The following SLC24A2 variants were observed in gnomAD, a reference collection of about 807,000 sequenced individuals.
SLC24A2 encodes the protein sodium/potassium/calcium exchanger 2.
SLC24A2 carries 36 observed loss-of-function variants against 62.0 expected under a neutral mutation model. That is an observed-to-expected ratio of 0.58 (90% CI 0.44 to 0.77). The LOEUF is 0.77. SLC24A2 is among the 30% of genes least tolerant of loss of function. SLC24A2 has a pLI of 0.00. For synonymous variants in SLC24A2, 358 were observed against 294.0 expected, an observed-to-expected ratio of 1.22 and a Z score of -2.23; for missense variants, 846 against 817.9, an observed-to-expected ratio of 1.03 and a Z score of -0.42.
At chr9:19,567,163 A>AAAAG (rs1166466690) in intron 7 of SLC24A2, among the ~76,000 whole-genome samples, 2 of 146,168 alleles carry the variant, frequency 1.4e-5, no homozygotes, top group African/African-American at 5.3e-5. Context: ...ATAAACCTAG[A>AAAAG]AAAGAATCTG....
chr9:19,953,866 G>A, the SLC24A2 span, among the ~76,000 whole-genome samples: 12 of 151,698 alleles, frequency 7.9e-5, no homozygotes, highest in Non-Finnish European at 1.3e-4. Flanking sequence ...TCAAAGATAT[G>A]ATGTTATCAA....
At chr9:20,095,881 C>A in the SLC24A2 span, among the ~76,000 whole-genome samples, 2 of 152,070 alleles carry the variant, frequency 1.3e-5, no homozygotes, top group Non-Finnish European at 2.9e-5. Context: ...GAGAATCGAG[C>A]AAAAGGGGAA....
At chr9:19,710,245 G>A (rs975434252) in intron 2 of SLC24A2, among the ~76,000 whole-genome samples, 12 of 152,128 alleles carry the variant, frequency 7.9e-5, no homozygotes, top group African/African-American at 2.9e-4. Flanking sequence ...GCCCCTATGG[G>A]TAGAGGATGC....
At chr9:20,239,703 C>T in the SLC24A2 span, among the ~76,000 whole-genome samples, 2 of 152,168 alleles carry the variant, frequency 1.3e-5, no homozygotes, top group East Asian at 3.9e-4. Flanking sequence ...TCTCTCTGAA[C>T]TTTAGATACC....
At chr9:20,098,795 AAGTCAAGCTCCTTT>A in the SLC24A2 span, among the ~76,000 whole-genome samples, 5 of 152,306 alleles carry the variant, frequency 3.3e-5, no homozygotes, top group African/African-American at 1.2e-4. Flanking sequence ...GGTTAAATCC[AAGTCAAGCTCCTTT>A]AGGGAAAAAT....
At chr9:19,892,036 C>T in the SLC24A2 span, among the ~76,000 whole-genome samples, 58 of 152,284 alleles carry the variant, frequency 3.8e-4, no homozygotes, top group Admixed American at 9.8e-4. Flanking sequence ...ATTGAGTTCC[C>T]TCCCTTCCCT....
At chr9:19,940,165 G>C in the SLC24A2 span, among the ~76,000 whole-genome samples, 1 of 152,212 alleles carries the variant, frequency 6.6e-6, no homozygotes. Context: ...TTTTCCTTTA[G>C]GGTTTTTCTC....
Position 19,512,012 on chromosome 9 carries a change from C to A in SLC24A2, c.*4141G>T, listed in dbSNP as rs1328409847. On this transcript the variant is annotated 3_prime_UTR_variant, in exon 11 of 11. Coordinates refer to ENST00000341998, the MANE Select transcript of SLC24A2 (RefSeq NM_020344.4). ...CATTTAATGCAACTTCCATCTTCTT[C>A]AGCTCTATCTGGCCAGCCACTCTAC... 1 of 152,266 alleles carries A rather than the reference C, an allele frequency of 6.6e-6. No individual in the cohort carries two copies. The highest frequency in any genetic ancestry group is 1.5e-5 in the Non-Finnish European group (1 of 68,086). The allele number at this position is 152,266 out of a possible 1,614,324, so 9.4% of individuals were successfully genotyped here.
chr9:20,227,758 G>A, the SLC24A2 span, among the ~76,000 whole-genome samples: 1 of 152,046 alleles, frequency 6.6e-6, no homozygotes, highest in African/African-American at 2.4e-5. Flanking sequence ...TAATGTTATT[G>A]CCTAAAGTTT....
At chr9:19,633,475 G>C (rs1818228766) in intron 2 of SLC24A2, among the ~76,000 whole-genome samples, 1 of 152,164 alleles carries the variant, frequency 6.6e-6, no homozygotes, top group Admixed American at 6.5e-5. Flanking sequence ...TCACTATTTT[G>C]AAATTTTATT....
the SLC24A2 span, among the ~76,000 whole-genome samples, chr9:19,916,467 T>C: frequency 6.6e-6 from 1 of 152,040 alleles, no homozygotes; most frequent in Non-Finnish European, 1.5e-5. Flanking sequence ...GAATTTAAGA[T>C]AAAAATGAAG....
At chr9:20,244,466 G>A in the SLC24A2 span, among the ~76,000 whole-genome samples, 4 of 152,140 alleles carry the variant, frequency 2.6e-5, no homozygotes, top group African/African-American at 4.8e-5. Context: ...TACACACTGC[G>A]CCCTGTGAAA....
At chr9:20,307,675 T>C in the SLC24A2 span, among the ~76,000 whole-genome samples, 1 of 152,182 alleles carries the variant, frequency 6.6e-6, no homozygotes. Context: ...TGACTTTCTA[T>C]AGTTGGCTCG....
At chr9:20,119,508 C>A in the SLC24A2 span, among the ~76,000 whole-genome samples, 1 of 151,966 alleles carries the variant, frequency 6.6e-6, no homozygotes, top group Non-Finnish European at 1.5e-5. Context: ...GAGGTAAAGT[C>A]ATAATCATCT....
the SLC24A2 span, among the ~76,000 whole-genome samples, chr9:19,983,745 T>C: frequency 6.6e-6 from 1 of 152,116 alleles, no homozygotes; most frequent in Admixed American, 6.5e-5. Context: ...TGCAATTGAA[T>C]ATAAACACCT....
At chr9:19,615,084 C>T (rs563623316) in intron 4 of SLC24A2, among the ~76,000 whole-genome samples, 3 of 152,138 alleles carry the variant, frequency 2.0e-5, no homozygotes, top group African/African-American at 4.8e-5. Flanking sequence ...GGCTCAGAGG[C>T]GGAACCAACC....
At chr9:20,172,544 A>C in the SLC24A2 span, among the ~76,000 whole-genome samples, 2 of 152,056 alleles carry the variant, frequency 1.3e-5, no homozygotes, top group South Asian at 4.1e-4. Context: ...AGAAATACAA[A>C]AGATCATTCA....
intron 8 of SLC24A2, among the ~76,000 whole-genome samples, chr9:19,544,115 G>C (rs915806913): frequency 6.6e-6 from 1 of 152,160 alleles, no homozygotes; most frequent in African/African-American, 2.4e-5. Flanking sequence ...GGATGCTCCT[G>C]AATGGTGTGC....
At chr9:19,878,968 C>T in the SLC24A2 span, among the ~76,000 whole-genome samples, 9 of 152,160 alleles carry the variant, frequency 5.9e-5, no homozygotes, top group Admixed American at 5.9e-4. Context: ...CTCCATAATT[C>T]AAAACATGTT....
Sources: allele counts gnomAD v4.1 joint callset (sites outside exome capture counted in the v4.1 genomes callset), GRCh38; gene constraint gnomAD v4.1.1; transcripts MANE v1.5; gene names NCBI Gene and HGNC (gene_info 2026-07-23, HGNC 2026-07-21).